The following CD93 variants were observed in gnomAD, a reference collection of about 807,000 sequenced individuals.
CD93 encodes CD93 molecule.
CD93 carries 44 observed loss-of-function variants against 45.5 expected under a neutral mutation model. The observed-to-expected ratio is 0.97, with a 90% CI of 0.76 to 1.24. The LOEUF (loss-of-function observed/expected upper bound fraction) is 1.24. Ranked by LOEUF, CD93 falls within the 50% of genes most tolerant of loss-of-function variation. The pLI is 0.00. For synonymous variants in CD93, 431 were observed against 370.8 expected, an observed-to-expected ratio of 1.16 and a Z score of -1.87; for missense variants, 918 against 844.5, an observed-to-expected ratio of 1.09 and a Z score of -1.08.
rs1413638044 is a variant in CD93, at chr20:23,086,280, G to C, written c.-88C>G. On this transcript the variant is annotated 5_prime_UTR_variant, in exon 1 of 2. Coordinates refer to ENST00000246006, the MANE Select transcript of CD93 (RefSeq NM_012072.4). ...TCGGCTCCCAGCTGGGCCCCAAGGGGAGCTGAGGGGTGAGCTGCAGCCACT... is the reference window on the plus strand; with the variant it reads ...TCGGCTCCCAGCTGGGCCCCAAGGGCAGCTGAGGGGTGAGCTGCAGCCACT... 1 of 1,421,572 alleles carries C rather than the reference G, an allele frequency of 7.0e-7. No individual in the cohort carries two copies. Among genetic ancestry groups the C allele is most frequent in the Non-Finnish European group, 9.2e-7 (1 of 1,084,942 alleles). 88.1% of individuals were successfully genotyped at this position (1,421,572 alleles called of 1,614,324 possible). A position where few individuals can be genotyped will look rare whatever the true frequency, so the allele number is the denominator to read the frequency against.
Position 23,085,286 on chromosome 20 carries a change from G to A in CD93, c.907C>T (p.Arg303Ter), listed in dbSNP as rs369282897. The change falls in exon 1 of 2, where the codon CGA becomes TGA. Residue 303 changes from arginine to a stop codon, truncating the protein, a stop_gained. Transcript: ENST00000246006. LOFTEE classifies it high-confidence loss of function. The stretch of plus-strand genomic sequence containing the variant: ...CATGGGCTGGAGCTGCAAGGGTTTC[G>A]AGAGGCACAGGTCACCAGGTCATCC... ...LLDDLVTCAS[R>*]NPCSSSPCRG... 9.9e-6 allele frequency: 16 copies of A among 1,613,816 alleles called. No homozygotes were observed. Among genetic ancestry groups the A allele is most frequent in the Non-Finnish European group, 1.3e-5 (15 of 1,180,028 alleles).
Position 23,085,434 on chromosome 20 carries a change from C to G in CD93, c.759G>C (p.Ser253=). The change falls in exon 1 of 2, where the codon TCG becomes TCC. Residue 253 remains serine, a synonymous_variant. Coordinates refer to ENST00000246006, the MANE Select transcript of CD93 (RefSeq NM_012072.4). ...KAPDVFDWGS[S]GPLCVSPKYG... ...ACTTGGGGCTGACACAGAGGGGGCC[C>G]GAGCTGCCCCAGTCGAACACATCGG... 6.2e-7 allele frequency: 1 copy of G among 1,613,830 alleles called. No individual in the cohort carries two copies. Among genetic ancestry groups the G allele is most frequent in the Non-Finnish European group, 8.5e-7 (1 of 1,179,992 alleles).
In CD93 at chr20:23,085,019, C is replaced by A; in HGVS notation, c.1174G>T (p.Gly392Cys). The stretch of plus-strand genomic sequence containing the variant: ...CAGCCCTGGGCGCAAGGCGAGCGAC[C>A]CAGAGCACACTCATCCACATCCTGA... The part of the protein sequence containing the change: ...ACQDVDECAL[G>C]RSPCAQGCTN... The change falls in exon 1 of 2, where the codon GGT (glycine) becomes TGT (cysteine). Residue 392 changes from glycine to cysteine, a missense_variant. Transcript: ENST00000246006. 1 of 1,613,972 alleles carries A rather than the reference C, an allele frequency of 6.2e-7. No homozygotes were observed. The highest frequency in any genetic ancestry group is 1.1e-5 in the South Asian group (1 of 91,080).
chr20:23,083,916 TG>T lies in CD93; in HGVS notation c.*33del. The stretch of plus-strand genomic sequence containing the variant: ...AGTTCAAAGCTCTGAGGATGGTGGC[TG>T]GTGACTCTAGTGTCTCTAGGGCCAC... On this transcript the variant is annotated 3_prime_UTR_variant, in exon 2 of 2. Coordinates refer to ENST00000246006, the MANE Select transcript of CD93 (RefSeq NM_012072.4). 6.2e-7 allele frequency: 1 copy of T among 1,608,380 alleles called. No homozygotes were observed. The highest frequency in any genetic ancestry group is 8.5e-7 in the Non-Finnish European group (1 of 1,174,776).
Position 23,085,134 on chromosome 20 carries a change from G to T in CD93, c.1059C>A (p.Pro353=). 1 of 1,585,168 alleles carries T rather than the reference G, an allele frequency of 6.3e-7. No homozygotes were observed. Among genetic ancestry groups the T allele is most frequent in the African/African-American group, 1.3e-5 (1 of 74,524 alleles). ...GGGTGTTGACACACTCCTGGGCACAGGGGGAGTCCTGGCATTCATCCACGT... is the reference window on the plus strand; with the variant it reads ...GGGTGTTGACACACTCCTGGGCACATGGGGAGTCCTGGCATTCATCCACGT... ...CVDVDECQDS[P]CAQECVNTPG... The change falls in exon 1 of 2, where the codon CCC becomes CCA. Residue 353 remains proline, a synonymous_variant. Transcript: ENST00000246006.
chr20:23,081,996 C>T lies in CD93; in HGVS notation c.*1954G>A, dbSNP rs1985334704. ...AGACAGATGGCTGCTCTCCACACCA[C>T]AGACTGCCCAGCTTCACACATCACC... On this transcript the variant is annotated 3_prime_UTR_variant, in exon 2 of 2. Coordinates refer to ENST00000246006, the MANE Select transcript of CD93 (RefSeq NM_012072.4). The T allele has an allele frequency of 6.6e-6, 1 of 152,244 alleles. No individual in the cohort carries two copies. Among genetic ancestry groups the T allele is most frequent in the African/African-American group, 2.4e-5 (1 of 41,452 alleles). 9.4% of individuals were successfully genotyped at this position (152,244 alleles called of 1,614,324 possible). A position where few individuals can be genotyped will look rare whatever the true frequency, so the allele number is the denominator to read the frequency against.
At position 23,084,332 on chromosome 20, in the gene CD93, G is replaced by A; in HGVS notation, c.1861C>T (p.Pro621Ser). 6.2e-7 allele frequency: 1 copy of A among 1,614,212 alleles called. No individual in the cohort carries two copies. Among genetic ancestry groups the A allele is most frequent in the South Asian group, 1.1e-5 (1 of 91,088 alleles). Residue 621 changes from proline to serine, a missense_variant, in exon 1 of 2, where the codon CCC becomes TCC. Transcript: ENST00000246006. ...GAGTAACTGTCTGCCGCATTCTGGG[G>A]CTTCTTCTCCTTCTTCTCCTCCCTC... ...AKREEKKEKK[P>S]QNAADSYSWV... is the part of the protein sequence containing the mutation.
chr20:23,084,200 G>A (rs1402551409), intron 1 of CD93, 59 bp downstream of exon 1: 15 of 1,575,658 alleles, frequency 9.5e-6, no homozygotes, highest in Non-Finnish European at 1.3e-5. Context: ...TCTTTGTACT[G>A]TAGTCAGTGC....
In CD93 at chr20:23,085,401, G is replaced by A. The variant is rs920444362; in HGVS notation, c.792C>T (p.Cys264=). Residue 264 remains cysteine, a synonymous_variant, in exon 1 of 2, where the codon TGC becomes TGT. Coordinates refer to ENST00000246006, the MANE Select transcript of CD93 (RefSeq NM_012072.4). ...GGTGGCAGCCCCCATTGTTGAAGTT[G>A]CAGCCATACTTGGGGCTGACACAGA... is the stretch of plus-strand genomic sequence containing the variant. ...GPLCVSPKYG[C]NFNNGGCHQD... 6.2e-7 allele frequency: 1 copy of A among 1,613,716 alleles called. No individual in the cohort carries two copies. The highest frequency in any genetic ancestry group is 8.5e-7 in the Non-Finnish European group (1 of 1,179,922).
chr20:23,080,172 G>A lies in CD93; in HGVS notation c.*3778C>T, dbSNP rs781679692. The A allele has an allele frequency of 1.3e-5, 2 of 152,502 alleles. No individual in the cohort carries two copies. The highest frequency in any genetic ancestry group is 2.9e-5 in the Non-Finnish European group (2 of 68,004). The allele number at this position is 152,502 out of a possible 1,614,324, so 9.4% of individuals were successfully genotyped here. On this transcript the variant is annotated 3_prime_UTR_variant, in exon 2 of 2. Coordinates refer to ENST00000246006, the MANE Select transcript of CD93 (RefSeq NM_012072.4). The stretch of plus-strand genomic sequence containing the variant: ...TTCCTGTTTTCCTGATTTAGACAAT[G>A]GAGAAGCTAAGAAGAGAAATAATAG...
rs757186357 is a variant in CD93 at position 23,085,331 on chromosome 20, G to A, written c.862C>T (p.Arg288Ter). The A allele has an allele frequency of 5.6e-6, 9 of 1,613,916 alleles. No individual in the cohort carries two copies. Among genetic ancestry groups the A allele is most frequent in the Middle Eastern group, 1.6e-4 (1 of 6,082 alleles). Residue 288 changes from arginine to a stop codon, truncating the protein, a stop_gained, in exon 1 of 2, where the codon CGA becomes TGA. Coordinates refer to ENST00000246006, the MANE Select transcript of CD93 (RefSeq NM_012072.4). LOFTEE classifies it high-confidence loss of function. Reference sequence around the variant, plus strand: ...TCATCCAGCAGCCGGAATCCTGGTCGGCAGCCGCAGAGGAAGGAGCCATCC... The same window carrying A: ...TCATCCAGCAGCCGGAATCCTGGTCAGCAGCCGCAGAGGAAGGAGCCATCC... Reference protein sequence around the residue: ...GGDGSFLCGCRPGFRLLDDLV... With the variant: ...GGDGSFLCGC
rs1179517159 is a variant in CD93 at position 23,084,611 on chromosome 20, T to G, written c.1582A>C (p.Thr528Pro). The change falls in exon 1 of 2, where the codon ACA becomes CCA. Residue 528 changes from threonine to proline, a missense_variant. Coordinates refer to ENST00000246006, the MANE Select transcript of CD93 (RefSeq NM_012072.4). ...RPSLSSDAPI[T>P]SAPLKMLAPS... Reference sequence around the variant, plus strand: ...GCCAGCATCTTGAGTGGGGCAGATGTGATGGGGGCGTCAGATGACAGCGAA... The same window carrying G: ...GCCAGCATCTTGAGTGGGGCAGATGGGATGGGGGCGTCAGATGACAGCGAA... 6.2e-7 allele frequency: 1 copy of G among 1,609,960 alleles called. No individual in the cohort carries two copies. Among genetic ancestry groups the G allele is most frequent in the Admixed American group, 1.7e-5 (1 of 59,566 alleles).
At position 23,084,507 on chromosome 20, in the gene CD93, T is replaced by A; in HGVS notation, c.1686A>T (p.Ala562=). 6.2e-7 allele frequency: 1 copy of A among 1,614,100 alleles called. No individual in the cohort carries two copies. Among genetic ancestry groups the A allele is most frequent in the Non-Finnish European group, 8.5e-7 (1 of 1,180,044 alleles). Residue 562 remains alanine, a synonymous_variant, in exon 1 of 2, where the codon GCA becomes GCT. Transcript: ENST00000246006. The part of the protein sequence containing the change: ...ATAASGPQEP[A]GGDSSVATQN... ...GTGTGGCCACGGAGGAGTCCCCACC[T>A]GCAGGCTCCTGGGGGCCAGAGGCAG...
In CD93 at chr20:23,084,886, C is replaced by A. The variant is rs748218428; in HGVS notation, c.1307G>T (p.Gly436Val). 8 of 1,611,456 alleles carry A rather than the reference C, an allele frequency of 5.0e-6. No homozygotes were observed. Among genetic ancestry groups the A allele is most frequent in the African/African-American group, 2.7e-5 (2 of 74,856 alleles). The change falls in exon 1 of 2, where the codon GGC becomes GTC. Residue 436 changes from glycine (G) to valine (V), a missense_variant. Physicochemically the swap from Gly to Val is moderately radical, Grantham distance 109. Transcript: ENST00000246006. ...QDVDECVGPG[G>V]PLCDSLCFNT... ...GAAGCACAAGCTGTCGCAGAGGGGGCCCCCCGGGCCCACACACTCATCCAC... is the reference window on the plus strand; with the variant it reads ...GAAGCACAAGCTGTCGCAGAGGGGGACCCCCGGGCCCACACACTCATCCAC...
Position 23,085,285 on chromosome 20 carries a change from C to T in CD93, c.908G>A (p.Arg303Gln), listed in dbSNP as rs759700389. ...LLDDLVTCAS[R>Q]NPCSSSPCRG... is the part of the protein sequence containing the mutation. ...ACATGGGCTGGAGCTGCAAGGGTTT[C>T]GAGAGGCACAGGTCACCAGGTCATC... The change falls in exon 1 of 2, where the codon CGA (arginine) becomes CAA (glutamine). Residue 303 changes from arginine (R) to glutamine (Q), a missense_variant. Transcript: ENST00000246006. 6.8e-6 allele frequency: 11 copies of T among 1,613,940 alleles called. No individual in the cohort carries two copies. Among genetic ancestry groups the T allele is most frequent in the East Asian group, 4.5e-5 (2 of 44,880 alleles).
Position 23,086,318 on chromosome 20 carries a change from A to T in CD93, c.-126T>A. 1 of 1,206,440 alleles carries T rather than the reference A, an allele frequency of 8.3e-7. No individual in the cohort carries two copies. 74.7% of individuals were successfully genotyped at this position (1,206,440 alleles called of 1,614,324 possible). ...AGCTGCAGCCACTCCGGCGCAGAGA[A>T]GGACACAAAGGCTGAGGGCTTTCCA... is the stretch of plus-strand genomic sequence containing the variant. On this transcript the variant is annotated 5_prime_UTR_variant, in exon 1 of 2. Transcript: ENST00000246006.
Position 23,083,965 on chromosome 20 carries a change from A to C in CD93, c.1944T>G (p.Pro648=). The C allele has an allele frequency of 6.2e-7, 1 of 1,614,112 alleles. No homozygotes were observed. Among genetic ancestry groups the C allele is most frequent in the Non-Finnish European group, 8.5e-7 (1 of 1,179,986 alleles). Residue 648 remains proline, a synonymous_variant, in exon 2 of 2, where the codon CCT becomes CCG. Transcript: ENST00000246006. ...CACCTCACTTTCAGCAGTCTGTCCC[A>C]GGTGTCGGACTATGGGAAACAAAAC... ...RAMENQYSPT[P]GTDC is the part of the protein sequence containing the mutation.
rs1350158476 is a variant in CD93, at chr20:23,083,957, T to TCTGTCCCAGGTGTCGGA, written c.1935_1951dup (p.Asp651ValfsTer55). The TCTGTCCCAGGTGTCGGA allele has an allele frequency of 9.3e-6, 15 of 1,614,134 alleles. No homozygotes were observed. Among genetic ancestry groups the TCTGTCCCAGGTGTCGGA allele is most frequent in the Non-Finnish European group, 1.2e-5 (14 of 1,180,006 alleles). On this transcript the variant is annotated frameshift_variant, in exon 2 of 2. Coordinates refer to ENST00000246006, the MANE Select transcript of CD93 (RefSeq NM_012072.4). LOFTEE classifies it high-confidence loss of function. Reference sequence around the variant, plus strand: ...TCTAGGGCCACCTCACTTTCAGCAGTCTGTCCCAGGTGTCGGACTATGGGA... The same window carrying TCTGTCCCAGGTGTCGGA: ...TCTAGGGCCACCTCACTTTCAGCAGTCTGTCCCAGGTGTCGGACTGTCCCAGGTGTCGGACTATGGGA...
In CD93 at chr20:23,080,453, A is replaced by G. The variant is rs1985295410; in HGVS notation, c.*3497T>C. The G allele has an allele frequency of 6.6e-6, 1 of 152,282 alleles. No homozygotes were observed. 9.4% of individuals were successfully genotyped at this position (152,282 alleles called of 1,614,324 possible). A position where few individuals can be genotyped will look rare whatever the true frequency, so the allele number is the denominator to read the frequency against. On this transcript the variant is annotated 3_prime_UTR_variant, in exon 2 of 2. Transcript: ENST00000246006. Reference sequence around the variant, plus strand: ...AAAAAAATTCTTTTAAACTCAGTTCATCCTGCAAAATGGACATAACACATG... The same window carrying G: ...AAAAAAATTCTTTTAAACTCAGTTCGTCCTGCAAAATGGACATAACACATG...
Sources: gnomAD v4.1 joint callset for allele counts on GRCh38, gnomAD v4.1.1 for gene constraint, MANE v1.5 for transcripts, NCBI Gene and HGNC (gene_info 2026-07-23, HGNC 2026-07-21) for gene names.